The following BBS12 variants were observed in gnomAD, a reference collection of about 807,000 sequenced individuals.
The protein encoded by BBS12 is chaperonin-containing T-complex member BBS12.
In BBS12, 5 loss-of-function variants were observed where a neutral mutation model predicts 5.6. That is an observed-to-expected ratio of 0.89 (90% CI 0.46 to 1.86). The LOEUF (loss-of-function observed/expected upper bound fraction) is 1.86. Ranked by LOEUF, BBS12 falls within the 40% of genes most tolerant of loss-of-function variation. The pLI is 0.01. For missense variants in BBS12, 748 were observed against 830.4 expected (o/e 0.90, Z 1.22); for synonymous variants, 308 against 306.8 (o/e 1.00, Z -0.04).
At position 122,742,400 on chromosome 4, in the gene BBS12, A is replaced by G. The variant is rs1218692709; in HGVS notation, c.508A>G (p.Ile170Val). The change falls in exon 2 of 2, where the codon ATA (isoleucine) becomes GTA (valine). Residue 170 changes from isoleucine to valine, a missense_variant. Transcript: ENST00000314218. Reference protein sequence around the residue: ...FLQVPSDTDLIEELHGLKDVA... With the variant: ...FLQVPSDTDLVEELHGLKDVA... ...ACAGGTCCCTTCAGATACTGATTTG[A>G]TAGAGGAATTGCATGGTCTCAAAGA... 1.2e-6 allele frequency: 2 copies of G among 1,614,092 alleles called. No homozygotes were observed. Among genetic ancestry groups the G allele is most frequent in the Admixed American group, 3.3e-5 (2 of 60,000 alleles).
At position 122,744,367 on chromosome 4, in the gene BBS12, T is replaced by C. The variant is rs952008877; in HGVS notation, c.*342T>C. The C allele has an allele frequency of 3.5e-6, 1 of 282,912 alleles. No homozygotes were observed. The highest frequency in any genetic ancestry group is 4.4e-5 in the South Asian group (1 of 22,904). The allele number at this position is 282,912 out of a possible 1,614,324, so 17.5% of individuals were successfully genotyped here. On this transcript the variant is annotated 3_prime_UTR_variant, in exon 2 of 2. Coordinates refer to ENST00000314218, the MANE Select transcript of BBS12 (RefSeq NM_152618.3). The stretch of plus-strand genomic sequence containing the variant: ...CAGGAGGAACACAAAGGGCCCATGA[T>C]GAAAGCCTGCACACAGTGGGTTATG...
Position 122,742,581 on chromosome 4 carries a change from T to C in BBS12, c.689T>C (p.Ile230Thr), listed in dbSNP as rs773424078. The change falls in exon 2 of 2, where the codon ATA becomes ACA. Residue 230 changes from isoleucine (I) to threonine (T), a missense_variant. Ile to Thr is a moderately conservative substitution (Grantham distance 89). Transcript: ENST00000314218. ...LLADTCCRQS[I>T]LIHSRHFNRT... ...GCAGATACCTGCTGCAGACAGTCAA[T>C]ACTAATCCACAGTAGGCATTTTAAT... 6.2e-7 allele frequency: 1 copy of C among 1,614,230 alleles called. No homozygotes were observed. The highest frequency in any genetic ancestry group is 8.5e-7 in the Non-Finnish European group (1 of 1,180,042).
chr4:122,711,357 T>C, the BBS12 span, among the ~76,000 whole-genome samples: 2 of 143,096 alleles, frequency 1.4e-5, no homozygotes, highest in South Asian at 4.4e-4. Context: ...ACATCCTGAT[T>C]GGAAAAAAAA....
the BBS12 span, among the ~76,000 whole-genome samples, chr4:122,703,265 TCC>T: frequency 2.6e-5 from 4 of 151,634 alleles, no homozygotes; most frequent in Non-Finnish European, 4.4e-5. Flanking sequence ...GTCTGTGTCC[TCC>T]CACACAATGT....
the BBS12 span, among the ~76,000 whole-genome samples, chr4:122,723,374 T>C: frequency 1.3e-5 from 2 of 152,220 alleles, no homozygotes; most frequent in Non-Finnish European, 2.9e-5. Context: ...GAGTTTTCTT[T>C]GTGGAAAAGT....
the BBS12 span, among the ~76,000 whole-genome samples, chr4:122,722,777 GTATCA>G: frequency 6.6e-6 from 1 of 152,042 alleles, no homozygotes; most frequent in Non-Finnish European, 1.5e-5. Flanking sequence ...TCTATTGTAT[GTATCA>G]TCATGTCACC....
chr4:122,705,270 T>C, the BBS12 span, among the ~76,000 whole-genome samples: 1 of 152,140 alleles, frequency 6.6e-6, no homozygotes, highest in African/African-American at 2.4e-5. Context: ...TAAATAGTTT[T>C]TATTTTAAGC....
At chr4:122,740,373 T>C (rs1333221510) in intron 1 of BBS12, among the ~76,000 whole-genome samples, 1 of 152,250 alleles carries the variant, frequency 6.6e-6, no homozygotes, top group Non-Finnish European at 1.5e-5. Context: ...GAAAGCTATG[T>C]CAAGCATTCA....
At chr4:122,705,224 G>A in the BBS12 span, among the ~76,000 whole-genome samples, 1 of 152,206 alleles carries the variant, frequency 6.6e-6, no homozygotes, top group Non-Finnish European at 1.5e-5. Context: ...AGATAGCTCA[G>A]CCTCAATCAG....
rs762489376 is a variant in BBS12 at position 122,743,280 on chromosome 4, A to G, written c.1388A>G (p.Asp463Gly). 29 of 1,614,180 alleles carry G rather than the reference A, an allele frequency of 1.8e-5. No homozygotes were observed. In the East Asian group the frequency reaches 4.9e-4, roughly 27 times the overall value. ...GCCTACATTACACAAGTGAATGAAG[A>G]TTGTGTGGGCGACGGGGTCTGCGTG... ...QVAYITQVNE[D>G]CVGDGVCVTF... Residue 463 changes from aspartate to glycine, a missense_variant, in exon 2 of 2, where the codon GAT becomes GGT. Asp to Gly is a moderately conservative substitution (Grantham distance 94, BLOSUM62 -1). Coordinates refer to ENST00000314218, the MANE Select transcript of BBS12 (RefSeq NM_152618.3).
the BBS12 span, among the ~76,000 whole-genome samples, chr4:122,723,250 T>C: frequency 6.6e-6 from 1 of 152,194 alleles, no homozygotes; most frequent in South Asian, 2.1e-4. Flanking sequence ...TAACAAGTTG[T>C]TGCCTACCTC....
chr4:122,742,182 G>A lies in BBS12; in HGVS notation c.290G>A (p.Ser97Asn), dbSNP rs770609788. Residue 97 changes from serine (S) to asparagine (N), a missense_variant, in exon 2 of 2, where the codon AGT (serine) becomes AAT (asparagine). Coordinates refer to ENST00000314218, the MANE Select transcript of BBS12 (RefSeq NM_152618.3). The part of the protein sequence containing the change: ...TLLFLVGAWS[S>N]AVEECLHLGV... ...TTGTTTCTTGTTGGTGCTTGGAGCA[G>A]TGCAGTTGAAGAATGTCTTCATCTT... 4.3e-6 allele frequency: 7 copies of A among 1,613,912 alleles called. No individual in the cohort carries two copies. The highest frequency in any genetic ancestry group is 1.1e-5 in the South Asian group (1 of 91,086).
the BBS12 span, among the ~76,000 whole-genome samples, chr4:122,724,400 A>C: frequency 6.6e-5 from 10 of 152,310 alleles, no homozygotes; most frequent in East Asian, 9.6e-4. Context: ...AAAGAGGAGG[A>C]GAAACATAGA....
chr4:122,731,584 C>A (rs745874476), upstream of BBS12: 4 of 152,114 alleles, frequency 2.6e-5, no homozygotes, highest in Non-Finnish European at 5.9e-5. Context: ...AAAAAAAAAT[C>A]TTCAAAACTA....
chr4:122,720,021 G>A, the BBS12 span, among the ~76,000 whole-genome samples: 1 of 152,126 alleles, frequency 6.6e-6, no homozygotes, highest in Non-Finnish European at 1.5e-5. Context: ...AGTATTTATA[G>A]GCTCTACAAT....
At chr4:122,715,337 G>T in the BBS12 span, among the ~76,000 whole-genome samples, 1 of 140,500 alleles carries the variant, frequency 7.1e-6, no homozygotes, top group Admixed American at 7.2e-5. Context: ...AAAAAAAAAA[G>T]CTCAGCCTCC....
chr4:122,722,298 C>T, the BBS12 span, among the ~76,000 whole-genome samples: 1 of 152,172 alleles, frequency 6.6e-6, no homozygotes, highest in African/African-American at 2.4e-5. Context: ...CTAGTCCATA[C>T]CACACTATTT....
chr4:122,702,404 G>A, the BBS12 span, among the ~76,000 whole-genome samples: 1 of 152,226 alleles, frequency 6.6e-6, no homozygotes, highest in Admixed American at 6.5e-5. Flanking sequence ...AGCATGGTGA[G>A]GTCCAAGGAC....
chr4:122,723,925 G>A, the BBS12 span, among the ~76,000 whole-genome samples: 65,928 of 152,038 alleles, frequency 0.43, 15,850 homozygotes, highest in East Asian at 0.65. Context: ...AGTTATAAAA[G>A]AGCATCACCC....
Sources: allele counts gnomAD v4.1 joint callset (sites outside exome capture counted in the v4.1 genomes callset), GRCh38; gene constraint gnomAD v4.1.1; transcripts MANE v1.5; gene names NCBI Gene and HGNC (gene_info 2026-07-23, HGNC 2026-07-21).